Variants in BBS7 observed in about 807,000 individuals in gnomAD.
BBS7 encodes the protein Bardet-Biedl syndrome 7.
In BBS7, 50 loss-of-function variants were observed where a neutral mutation model predicts 90.3. That is an observed-to-expected ratio of 0.55 (90% CI 0.44 to 0.70). BBS7 has a LOEUF of 0.70. Ranked by LOEUF, BBS7 falls within the 30% of genes least tolerant of loss-of-function variation. The pLI, the probability that BBS7 is intolerant of heterozygous loss-of-function variation, is 0.00. For missense variants in BBS7, 729 were observed against 838.9 expected, an observed-to-expected ratio of 0.87 and a Z score of 1.62; for synonymous variants, 235 against 287.4, an observed-to-expected ratio of 0.82 and a Z score of 1.85.
intron 15 of BBS7, among the ~76,000 whole-genome samples, chr4:121,832,578 G>A (rs1725252512): frequency 6.6e-6 from 1 of 152,160 alleles, no homozygotes; most frequent in Non-Finnish European, 1.5e-5. Context: ...TAGAAGATGA[G>A]TTAGAAGTGA....
rs1578531665 is a variant in BBS7 at position 121,835,278 on chromosome 4, G to A, written c.1377C>T (p.Arg459=). Residue 459 remains arginine, a synonymous_variant, in exon 14 of 19, where the codon CGC becomes CGT. Transcript: ENST00000264499. ...GTGTGCCATACTGGCCTTCAATTGA[G>A]CGAATCTGATTCAACACAAAAGAGG... is the stretch of plus-strand genomic sequence containing the variant. ...ADTTRLELKI[R]SIEGQYGTLQ... 1 of 1,613,688 alleles carries A rather than the reference G, an allele frequency of 6.2e-7. No individual in the cohort carries two copies. Among genetic ancestry groups the A allele is most frequent in the Non-Finnish European group, 8.5e-7 (1 of 1,179,744 alleles).
intron 2 of BBS7, among the ~76,000 whole-genome samples, chr4:121,864,980 C>T (rs529468789): frequency 5.5e-4 from 84 of 152,188 alleles, no homozygotes; most frequent in African/African-American, 2.0e-3. Flanking sequence ...GTATAGACTA[C>T]TTGAGTTTTT....
At chr4:121,838,698 G>T (rs926277653) in intron 13 of BBS7, among the ~76,000 whole-genome samples, 8 of 151,714 alleles carry the variant, frequency 5.3e-5, no homozygotes, top group Non-Finnish European at 1.0e-4. Context: ...GGACCAGCCT[G>T]GCCAACGTGG....
chr4:121,856,081 C>G (rs1262863291), intron 5 of BBS7, among the ~76,000 whole-genome samples: 4 of 152,116 alleles, frequency 2.6e-5, no homozygotes, highest in African/African-American at 9.7e-5. Context: ...ATTTTCCTAT[C>G]AAGTCTCTAG....
rs1727527100 is a variant in BBS7, at chr4:121,870,429, C to G, written c.-116G>C. 2.5e-6 allele frequency: 3 copies of G among 1,217,004 alleles called. No homozygotes were observed. Among genetic ancestry groups the G allele is most frequent in the Non-Finnish European group, 3.6e-6 (3 of 834,470 alleles). 75.4% of individuals were successfully genotyped at this position (1,217,004 alleles called of 1,614,324 possible). A position where few individuals can be genotyped will look rare whatever the true frequency, so the allele number is the denominator to read the frequency against. ...TGCCCGCGCCCCTCAAAAGCCAGCCCCAGCTACCGCGCCTAGGTCCTGGGC... is the reference window on the plus strand; with the variant it reads ...TGCCCGCGCCCCTCAAAAGCCAGCCGCAGCTACCGCGCCTAGGTCCTGGGC... On this transcript the variant is annotated 5_prime_UTR_variant, in exon 1 of 19. Coordinates refer to ENST00000264499, the MANE Select transcript of BBS7 (RefSeq NM_176824.3).
intron 5 of BBS7, among the ~76,000 whole-genome samples, chr4:121,858,141 G>C (rs1362692116): frequency 6.6e-6 from 1 of 151,916 alleles, no homozygotes; most frequent in Non-Finnish European, 1.5e-5. Flanking sequence ...GTCCCTGGGG[G>C]GTAAAAACCT....
At chr4:121,828,048 A>C (rs1724988582) in intron 18 of BBS7, 98 bp downstream of exon 18, 2 of 1,569,116 alleles carry the variant, frequency 1.3e-6, no homozygotes, top group African/African-American at 2.7e-5. Context: ...TGACTGATGT[A>C]ATCTTTTTAT....
intron 10 of BBS7, among the ~76,000 whole-genome samples, chr4:121,847,057 T>C (rs917423651): frequency 6.6e-6 from 1 of 152,084 alleles, no homozygotes; most frequent in African/African-American, 2.4e-5. Context: ...TTAGAGTTAA[T>C]GAGAAATAAT....
At chr4:121,844,072 C>G in intron 11 of BBS7, 71 bp from the exon 12 acceptor site, 9 of 944,160 alleles carry the variant, frequency 9.5e-6, no homozygotes, top group Non-Finnish European at 1.5e-5. Context: ...TATGTTTTCT[C>G]TAAGAGTTCT....
In BBS7 at chr4:121,825,298, T is replaced by C. The variant is rs1724855732; in HGVS notation, c.*562A>G. 1.3e-5 allele frequency: 2 copies of C among 152,306 alleles called. No homozygotes were observed. Among genetic ancestry groups the C allele is most frequent in the African/African-American group, 4.8e-5 (2 of 41,452 alleles). 9.4% of individuals were successfully genotyped at this position (152,306 alleles called of 1,614,324 possible). ...TAGAAAAAACAATTGGTAGGTTATT[T>C]CCACTAGCTGGCAACATACATAGTA... On this transcript the variant is annotated 3_prime_UTR_variant, in exon 19 of 19. Transcript: ENST00000264499.
intron 11 of BBS7, among the ~76,000 whole-genome samples, chr4:121,845,180 C>T (rs1467554886): frequency 6.6e-6 from 1 of 151,916 alleles, no homozygotes; most frequent in African/African-American, 2.4e-5. Context: ...ACCAGCCTGG[C>T]CAACATGGTG....
chr4:121,828,640 T>C lies in BBS7; in HGVS notation c.1765A>G (p.Ile589Val), dbSNP rs1429923689. ...VLSKEATKRK[I>V]NLNISYEINE... ...TTACCGTATGATATGTTGAGGTTAA[T>C]TTTCCTTTTTGTAGCTTCTTTAGAA... is the stretch of plus-strand genomic sequence containing the variant. The change falls in exon 16 of 19, where the codon ATT (isoleucine) becomes GTT (valine). Residue 589 changes from isoleucine (I) to valine (V), a missense_variant. By Grantham distance (29) the Ile-to-Val change is conservative (BLOSUM62 3). Coordinates refer to ENST00000264499, the MANE Select transcript of BBS7 (RefSeq NM_176824.3). The C allele has an allele frequency of 1.2e-6, 2 of 1,604,254 alleles. No individual in the cohort carries two copies. The highest frequency in any genetic ancestry group is 2.7e-5 in the African/African-American group (2 of 74,678).
intron 9 of BBS7, 52 bp downstream of exon 9, chr4:121,848,792 A>AT (rs1360520301): frequency 2.1e-5 from 30 of 1,452,382 alleles, no homozygotes; most frequent in South Asian, 3.4e-5. Context: ...ATTAAATTTA[A>AT]TTTTTTTTGT....
At chr4:121,856,570 G>A (rs965666744) in intron 5 of BBS7, among the ~76,000 whole-genome samples, 3 of 151,966 alleles carry the variant, frequency 2.0e-5, no homozygotes, top group African/African-American at 7.3e-5. Context: ...AAATTAGCCA[G>A]GTGTGGTGGT....
chr4:121,859,488 A>T (rs1726861735), intron 4 of BBS7, among the ~76,000 whole-genome samples: 1 of 152,158 alleles, frequency 6.6e-6, no homozygotes, highest in African/African-American at 2.4e-5. Flanking sequence ...TACATCAAAA[A>T]ATGACTTCTT....
At chr4:121,852,851 A>G in intron 8 of BBS7, 105 bp downstream of exon 8, 2 of 1,234,934 alleles carry the variant, frequency 1.6e-6, no homozygotes, top group Non-Finnish European at 2.3e-6. Context: ...TTTTAAACCA[A>G]ACACAAGATT....
intron 2 of BBS7, among the ~76,000 whole-genome samples, chr4:121,865,198 C>T (rs1040474224): frequency 2.6e-5 from 4 of 151,884 alleles, no homozygotes; most frequent in Admixed American, 2.0e-4. Flanking sequence ...TCCTCCAGTT[C>T]CATCCATGTT....
In BBS7 at chr4:121,845,692, C is replaced by T; in HGVS notation, c.1042G>A (p.Glu348Lys). Residue 348 changes from glutamate (E) to lysine (K), a missense_variant, in exon 11 of 19, where the codon GAG (glutamate) becomes AAG (lysine). Physicochemically the swap from Glu to Lys is moderately conservative, Grantham distance 56. Coordinates refer to ENST00000264499, the MANE Select transcript of BBS7 (RefSeq NM_176824.3). ...MQNKISSLRN[E>K]LEHLQYKVLQ... ...ACCTTATACTGCAAATGTTCCAACT[C>T]ATTCCTGGAGAAAAACACATACAAA... is the stretch of plus-strand genomic sequence containing the variant. 1.9e-6 allele frequency: 3 copies of T among 1,611,440 alleles called. No homozygotes were observed. The highest frequency in any genetic ancestry group is 2.5e-6 in the Non-Finnish European group (3 of 1,178,072).
chr4:121,827,846 T>A, intron 18 of BBS7: 1 of 1,038,192 alleles, frequency 9.6e-7, no homozygotes, highest in Non-Finnish European at 1.2e-6. Context: ...CTCTAAAGGT[T>A]CATAGATTAC....
Sources: gnomAD v4.1 joint callset for allele counts (sites outside exome capture counted in the v4.1 genomes callset) on GRCh38, gnomAD v4.1.1 for gene constraint, MANE v1.5 for transcripts, NCBI Gene and HGNC (gene_info 2026-07-23, HGNC 2026-07-21) for gene names.